The following PRKCE variants were observed in gnomAD, a reference collection of about 807,000 sequenced individuals.
PRKCE encodes the protein protein kinase C epsilon.
Under a neutral mutation model 85.4 loss-of-function variants are expected in PRKCE, and 16 were observed. The ratio of observed to expected loss-of-function variants is 0.19; its 90% CI spans 0.13 to 0.28. PRKCE has a LOEUF of 0.28. PRKCE is among the 10% of genes least tolerant of loss of function. The pLI, the probability that PRKCE is intolerant of heterozygous loss-of-function variation, is 1.00. For synonymous variants in PRKCE, 388 were observed against 371.5 expected, an observed-to-expected ratio of 1.04 and a Z score of -0.51; for missense variants, 573 against 975.2, an observed-to-expected ratio of 0.59 and a Z score of 5.49.
chr2:46,089,862 A>G (rs535438457), intron 11 of PRKCE, among the ~76,000 whole-genome samples: 1 of 152,248 alleles, frequency 6.6e-6, no homozygotes, highest in Non-Finnish European at 1.5e-5. Flanking sequence ...ATTACTTGCC[A>G]TTATCCCCCA....
At chr2:46,026,475 A>G (rs1050041724) in intron 10 of PRKCE, among the ~76,000 whole-genome samples, 1 of 152,176 alleles carries the variant, frequency 6.6e-6, no homozygotes, top group Non-Finnish European at 1.5e-5. Context: ...ATCATGCAGA[A>G]GGTTTGAATG....
At chr2:45,832,120 C>T (rs1310132118) in intron 1 of PRKCE, among the ~76,000 whole-genome samples, 1 of 152,174 alleles carries the variant, frequency 6.6e-6, no homozygotes, top group Non-Finnish European at 1.5e-5. Context: ...GACTGGTATA[C>T]AGAGTATTAT....
intron 1 of PRKCE, among the ~76,000 whole-genome samples, chr2:45,679,779 T>C (rs996007447): frequency 1.3e-5 from 2 of 152,136 alleles, no homozygotes; most frequent in African/African-American, 4.8e-5. Flanking sequence ...TTGACCTCTG[T>C]AGGCACTTTG....
At chr2:46,150,763 A>G (rs186664214) in intron 12 of PRKCE, among the ~76,000 whole-genome samples, 25 of 152,326 alleles carry the variant, frequency 1.6e-4, no homozygotes, top group Admixed American at 5.9e-4. Context: ...CCCTCATGCC[A>G]GTCAGGAACT....
chr2:46,085,736 G>GTTTC (rs1669544988), intron 10 of PRKCE, among the ~76,000 whole-genome samples: 1 of 104,564 alleles, frequency 9.6e-6, no homozygotes, highest in Non-Finnish European at 1.8e-5. Flanking sequence ...TGCAAAATCC[G>GTTTC]TTTTTTTTTT....
intron 1 of PRKCE, among the ~76,000 whole-genome samples, chr2:45,718,490 ACG>A (rs1680339466): frequency 2.0e-5 from 3 of 151,704 alleles, no homozygotes; most frequent in Non-Finnish European, 4.4e-5. Context: ...GATGACAGGC[ACG>A]CACCACTACA....
intron 1 of PRKCE, among the ~76,000 whole-genome samples, chr2:45,708,972 C>T (rs943203765): frequency 6.6e-6 from 1 of 152,200 alleles, no homozygotes; most frequent in African/African-American, 2.4e-5. Flanking sequence ...CCTTGAATGG[C>T]AGTGAGCCAC....
At chr2:46,133,016 A>C (rs945872021) in intron 11 of PRKCE, among the ~76,000 whole-genome samples, 3 of 152,130 alleles carry the variant, frequency 2.0e-5, no homozygotes. Context: ...GGTGACCTAA[A>C]AGGGGCTAAC....
chr2:46,061,070 TG>T (rs1667070673), intron 10 of PRKCE, among the ~76,000 whole-genome samples: 2 of 150,762 alleles, frequency 1.3e-5, no homozygotes, highest in African/African-American at 4.9e-5. Flanking sequence ...CCAGATTTTT[TG>T]TCTTTAATGA....
At chr2:45,814,084 A>G (rs1688846332) in intron 1 of PRKCE, among the ~76,000 whole-genome samples, 1 of 152,116 alleles carries the variant, frequency 6.6e-6, no homozygotes, top group Non-Finnish European at 1.5e-5. Flanking sequence ...ATGCTGAGAA[A>G]AAGAGGGATT....
intron 1 of PRKCE, among the ~76,000 whole-genome samples, chr2:45,724,759 C>G (rs1680914326): frequency 6.6e-6 from 1 of 152,344 alleles, no homozygotes; most frequent in East Asian, 1.9e-4. Flanking sequence ...AAGCCTACTC[C>G]AGAGCAAGGC....
rs138637270 is a variant in PRKCE at position 46,048,490 on chromosome 2, T to C, written c.1438-37718T>C. On this transcript the variant is annotated intron_variant, in intron 10 of 14. Transcript: ENST00000306156. ...GCTCAATGTCCCACCAGAGCCCCTC[T>C]GCCAGTGCCTCCTACCGAGCAGATG... is the stretch of plus-strand genomic sequence containing the variant. 2.4e-3 allele frequency among the ~76,000 whole-genome samples: 360 copies of C among 152,340 alleles called. 3 individuals carry two copies. Among genetic ancestry groups the C allele is most frequent in the African/African-American group, 8.3e-3 (347 of 41,574 alleles).
At chr2:45,885,343 T>TA (rs1313089577) in intron 2 of PRKCE, among the ~76,000 whole-genome samples, 2 of 152,258 alleles carry the variant, frequency 1.3e-5, no homozygotes, top group South Asian at 2.1e-4. Context: ...TCCTTTTTTT[T>TA]ATCGACCCTA....
chr2:45,761,285 C>T (rs1318749259), intron 1 of PRKCE, among the ~76,000 whole-genome samples: 1 of 139,124 alleles, frequency 7.2e-6, no homozygotes, highest in Admixed American at 7.9e-5. Flanking sequence ...CGAGATCACA[C>T]CACTGCACTC....
chr2:45,680,594 C>A (rs145347017), intron 1 of PRKCE, among the ~76,000 whole-genome samples: 1 of 152,146 alleles, frequency 6.6e-6, no homozygotes, highest in Admixed American at 6.5e-5. Context: ...AAAGGCCAGC[C>A]GACTTCTGCC....
rs537162589 is a variant in PRKCE, at chr2:45,858,763, G to A, written c.412+15700G>A. 5.3e-5 allele frequency among the ~76,000 whole-genome samples: 8 copies of A among 152,148 alleles called. No homozygotes were observed. In the East Asian group the frequency reaches 5.8e-4, roughly 11 times the overall value. ...AGCTTTACTTAAATAGTATCAGGCC[G>A]GGTGCGGTGGCTCATACCTGTAATC... On this transcript the variant is annotated intron_variant, in intron 2 of 14. Transcript: ENST00000306156.
intron 1 of PRKCE, among the ~76,000 whole-genome samples, chr2:45,792,749 A>T (rs1687131390): frequency 6.6e-6 from 1 of 152,188 alleles, no homozygotes; most frequent in Admixed American, 6.5e-5. Context: ...GCTTATTGTA[A>T]AAGTGCATCC....
At chr2:46,135,570 A>G (rs746501673) in intron 11 of PRKCE, among the ~76,000 whole-genome samples, 2 of 152,122 alleles carry the variant, frequency 1.3e-5, no homozygotes, top group Non-Finnish European at 2.9e-5. Context: ...AGCATTTGGA[A>G]GAAGAAAAGT....
chr2:45,977,627 A>T (rs1272326358), intron 3 of PRKCE, among the ~76,000 whole-genome samples: 1 of 147,316 alleles, frequency 6.8e-6, no homozygotes, highest in Non-Finnish European at 1.5e-5. Context: ...TGACAGAGTG[A>T]GACTCTGTCT....
Sources: gnomAD v4.1 joint callset for allele counts (sites outside exome capture counted in the v4.1 genomes callset) on GRCh38, gnomAD v4.1.1 for gene constraint, MANE v1.5 for transcripts, NCBI Gene and HGNC (gene_info 2026-07-23, HGNC 2026-07-21) for gene names.